NIBAN1: variants seen among roughly 807,000 people sequenced by gnomAD.
The protein encoded by NIBAN1 is niban apoptosis regulator 1, also known as protein Niban 1.
A neutral mutation model predicts 75.1 loss-of-function variants in NIBAN1; 81 were observed. The ratio of observed to expected loss-of-function variants is 1.08; its 90% CI spans 0.90 to 1.30. The LOEUF is 1.30. Among genes scored for constraint, NIBAN1 ranks in the 50% most tolerant of loss-of-function variants. The pLI is 0.00. For missense variants in NIBAN1, 1,133 were observed against 1,128.1 expected (o/e 1.00, Z -0.06); for synonymous variants, 436 against 424.8 (o/e 1.03, Z -0.32).
rs199645972 is a variant in NIBAN1, at chr1:184,809,654, C to T, written c.1174-1419G>A. 1.3e-4 allele frequency among the ~76,000 whole-genome samples: 19 copies of T among 142,458 alleles called. No homozygotes were observed. In the South Asian group the frequency reaches 1.8e-3, roughly 14 times the overall value. The allele number at this position is 142,458 out of a possible 152,430, so 93.5% of individuals were successfully genotyped here. On this transcript the variant is annotated intron_variant, in intron 9 of 13. Transcript: ENST00000367511. ...ATATGTGTGTGTGTATATATATATA[C>T]ACATATATATGTGTGTGTGTATATA...
rs780273995 is a variant in NIBAN1, at chr1:184,799,735, C to CTTT, written c.1555-1548_1555-1546dup. Among the ~76,000 whole-genome samples, 19 of 49,798 alleles carry CTTT rather than the reference C, an allele frequency of 3.8e-4. 2 individuals carry two copies. The highest frequency in any genetic ancestry group is 5.8e-4 in the Non-Finnish European group (16 of 27,362). 32.7% of individuals were successfully genotyped at this position (49,798 alleles called of 152,430 possible). A position where few individuals can be genotyped will look rare whatever the true frequency, so the allele number is the denominator to read the frequency against. ...TCCTGACTTTTTAATGATTGCCATT[C>CTTT]TTTTTTTTTTTTTTTTTTTTTTTTT... On this transcript the variant is annotated intron_variant, in intron 12 of 13. Transcript: ENST00000367511.
chr1:184,890,228 G>A lies in NIBAN1; in HGVS notation c.319-6C>T, dbSNP rs1656632456. 2 of 1,601,998 alleles carry A rather than the reference G, an allele frequency of 1.2e-6. No homozygotes were observed. Among genetic ancestry groups the A allele is most frequent in the African/African-American group, 1.3e-5 (1 of 74,786 alleles). The stretch of plus-strand genomic sequence containing the variant: ...GCAGCTCCTCTCTGATAGGCCTGGG[G>A]AGGGAAAGGCACACAGGAATGATAT... On this transcript the variant is annotated splice_region_variant and splice_polypyrimidine_tract_variant and intron_variant, in intron 3 of 13. Transcript: ENST00000367511.
At chr1:184,940,473 G>A (rs2102047360) in intron 1 of NIBAN1, among the ~76,000 whole-genome samples, 1 of 152,258 alleles carries the variant, frequency 6.6e-6, no homozygotes, top group Non-Finnish European at 1.5e-5. Context: ...ACTCAGCTTT[G>A]AGTGGCTTTA....
Position 184,961,850 on chromosome 1 carries a change from T to C in NIBAN1, c.55+12452A>G, listed in dbSNP as rs572833993. On this transcript the variant is annotated intron_variant, in intron 1 of 13. Coordinates refer to ENST00000367511, the MANE Select transcript of NIBAN1 (RefSeq NM_052966.4). ...GAGACTCAAAGAATAGACAGATCTC[T>C]TTTTAGCCTCTAGGACATTGCTGTG... 3.3e-5 allele frequency among the ~76,000 whole-genome samples: 5 copies of C among 152,350 alleles called. No individual in the cohort carries two copies. In the East Asian group the frequency reaches 9.6e-4, roughly 29 times the overall value.
chr1:184,842,724 G>A (rs1173882497), intron 5 of NIBAN1, among the ~76,000 whole-genome samples: 2 of 150,430 alleles, frequency 1.3e-5, no homozygotes, highest in African/African-American at 2.4e-5. Context: ...TTGCACGATC[G>A]TGCCATTGCA....
rs1284371239 is a variant in NIBAN1 at position 184,791,753 on chromosome 1, G to T, written c.*3224C>A. 1 of 152,134 alleles carries T rather than the reference G, an allele frequency of 6.6e-6. No homozygotes were observed. 9.4% of individuals were successfully genotyped at this position (152,134 alleles called of 1,614,324 possible). On this transcript the variant is annotated 3_prime_UTR_variant, in exon 14 of 14. Coordinates refer to ENST00000367511, the MANE Select transcript of NIBAN1 (RefSeq NM_052966.4). ...GCAAACAGAGGCTAAGGAAAAAAAT[G>T]CTGTTCATTTAGATCAGAATAACCT...
At chr1:184,894,761 G>C (rs1274224675) in intron 2 of NIBAN1, among the ~76,000 whole-genome samples, 1 of 152,194 alleles carries the variant, frequency 6.6e-6, no homozygotes, top group African/African-American at 2.4e-5. Context: ...TTTGGTTAAA[G>C]AACAAGCAGG....
chr1:184,798,326 G>T (rs1191168277), intron 12 of NIBAN1, 136 bp from the exon 13 acceptor site: 2 of 541,700 alleles, frequency 3.7e-6, no homozygotes, highest in African/African-American at 3.8e-5. Flanking sequence ...TGGCCCAGGG[G>T]CAAATTACTC....
At chr1:184,822,692 C>G (rs1357264328) in intron 8 of NIBAN1, among the ~76,000 whole-genome samples, 4 of 152,108 alleles carry the variant, frequency 2.6e-5, no homozygotes, top group African/African-American at 7.2e-5. Context: ...GGGTATGACT[C>G]CAAGCCAAAA....
chr1:184,798,392 T>C (rs1653936455), intron 12 of NIBAN1, among the ~76,000 whole-genome samples: 1 of 152,250 alleles, frequency 6.6e-6, no homozygotes, highest in Non-Finnish European at 1.5e-5. Flanking sequence ...CTAGGCACCA[T>C]GCCTGACCTC....
chr1:184,883,936 C>T (rs570903255), intron 5 of NIBAN1, among the ~76,000 whole-genome samples: 34 of 152,264 alleles, frequency 2.2e-4, no homozygotes, highest in African/African-American at 7.7e-4. Flanking sequence ...AAAAGACTAG[C>T]ATTTGCCAGG....
At chr1:184,967,749 C>A (rs1174775903) in intron 1 of NIBAN1, among the ~76,000 whole-genome samples, 1 of 152,194 alleles carries the variant, frequency 6.6e-6, no homozygotes, top group Non-Finnish European at 1.5e-5. Flanking sequence ...AGTTTTTCAT[C>A]AAGACCAGGG....
intron 1 of NIBAN1, among the ~76,000 whole-genome samples, chr1:184,929,710 T>G (rs1657774009): frequency 6.6e-6 from 1 of 152,226 alleles, no homozygotes; most frequent in Non-Finnish European, 1.5e-5. Context: ...AAATTTTGGT[T>G]TTTTTCTTAA....
At chr1:184,912,906 G>C (rs899634585) in intron 1 of NIBAN1, among the ~76,000 whole-genome samples, 1 of 152,048 alleles carries the variant, frequency 6.6e-6, no homozygotes, top group Non-Finnish European at 1.5e-5. Flanking sequence ...ACATGGGCTG[G>C]ATTTTAGCTC....
chr1:184,896,694 T>C (rs1376558394), intron 2 of NIBAN1, among the ~76,000 whole-genome samples: 1 of 152,212 alleles, frequency 6.6e-6, no homozygotes, highest in Non-Finnish European at 1.5e-5. Flanking sequence ...CTTAGGTTTT[T>C]AATCCATCTG....
rs553528624 is a variant in NIBAN1 at position 184,964,661 on chromosome 1, C to T, written c.55+9641G>A. On this transcript the variant is annotated intron_variant, in intron 1 of 13. Transcript: ENST00000367511. ...TGTCTGTCCCATGGTAAGGGTTCAA[C>T]GAAGACTCCATGGCAGCTTTCTAGG... 3.3e-5 allele frequency among the ~76,000 whole-genome samples: 5 copies of T among 152,190 alleles called. No individual in the cohort carries two copies. The East Asian group carries it at 7.7e-4, about 24-fold the overall frequency.
At chr1:184,956,101 A>G (rs1243094678) in intron 1 of NIBAN1, among the ~76,000 whole-genome samples, 2 of 151,734 alleles carry the variant, frequency 1.3e-5, no homozygotes, top group Non-Finnish European at 2.9e-5. Flanking sequence ...ATCACAGCTC[A>G]CTGCAGCATC....
intron 3 of NIBAN1, among the ~76,000 whole-genome samples, chr1:184,891,644 C>T (rs1431078869): frequency 1.3e-5 from 2 of 152,130 alleles, no homozygotes; most frequent in Non-Finnish European, 2.9e-5. Context: ...GTAGGTGACA[C>T]ATCCAGGATT....
chr1:184,835,753 T>G (rs1267750751), intron 5 of NIBAN1, among the ~76,000 whole-genome samples: 1 of 152,238 alleles, frequency 6.6e-6, no homozygotes, highest in East Asian at 1.9e-4. Flanking sequence ...GCTGAGACAA[T>G]GGGGTTTTCT....
Sources: allele counts gnomAD v4.1 joint callset (sites outside exome capture counted in the v4.1 genomes callset), GRCh38; gene constraint gnomAD v4.1.1; transcripts MANE v1.5; gene names NCBI Gene and HGNC (gene_info 2026-07-23, HGNC 2026-07-21).